NLGN4Y: variants seen among roughly 807,000 people sequenced by gnomAD.
NLGN4Y encodes neuroligin 4 Y-linked, also known as neuroligin-4, Y-linked.
Under a neutral mutation model 8.4 loss-of-function variants are expected in NLGN4Y, and 4 were observed. The ratio of observed to expected loss-of-function variants is 0.48; its 90% CI spans 0.23 to 1.09. NLGN4Y has a LOEUF of 1.09. Among genes scored for constraint, NLGN4Y ranks in the 50% least tolerant of loss-of-function variants. The pLI, the probability that NLGN4Y is intolerant of heterozygous loss-of-function variation, is 0.19. For synonymous variants in NLGN4Y, 35 were observed against 75.6 expected (o/e 0.46, Z 2.78); for missense variants, 90 against 192.3 (o/e 0.47, Z 3.15).
intron 1 of NLGN4Y, among the ~76,000 whole-genome samples, chrY:14,565,202 G>A (rs770574042): frequency 3.2e-5 from 1 of 31,588 alleles, no homozygotes; most frequent in Non-Finnish European, 7.6e-5. Flanking sequence ...GGTTCAGAAG[G>A]CGGGTAATAA....
At chrY:14,810,642 T>G in intron 4 of NLGN4Y, among the ~76,000 whole-genome samples, 1 of 33,749 alleles carries the variant, frequency 3.0e-5, no homozygotes, top group African/African-American at 1.2e-4. Context: ...TTTTGATATA[T>G]TATTGTTTAT....
chrY:14,773,038 T>A (rs2081112006), intron 4 of NLGN4Y, among the ~76,000 whole-genome samples: 2 of 32,988 alleles, frequency 6.1e-5, no homozygotes, highest in Non-Finnish European at 1.5e-4. Context: ...TCAAAACTCC[T>A]ATTCAACATA....
chrY:14,672,422 G>A, intron 2 of NLGN4Y, among the ~76,000 whole-genome samples: 2 of 29,743 alleles, frequency 6.7e-5, no homozygotes, highest in African/African-American at 2.7e-4. Flanking sequence ...CTACTCTGGA[G>A]GCTGATGCAG....
At chrY:14,780,276 T>G in intron 4 of NLGN4Y, among the ~76,000 whole-genome samples, 1 of 33,229 alleles carries the variant, frequency 3.0e-5, no homozygotes, top group African/African-American at 1.2e-4. Context: ...GGAAAAAAAT[T>G]TCATCTTTGA....
chrY:14,755,071 G>A (rs906314200), intron 4 of NLGN4Y, among the ~76,000 whole-genome samples: 4 of 32,839 alleles, frequency 1.2e-4, no homozygotes, highest in Non-Finnish European at 3.0e-4. Flanking sequence ...TCCCCTTGAT[G>A]TTTATGGATG....
At chrY:14,563,780 T>C (rs2080242550) in intron 1 of NLGN4Y, among the ~76,000 whole-genome samples, 1 of 33,476 alleles carries the variant, frequency 3.0e-5, no homozygotes, top group Non-Finnish European at 7.4e-5. Context: ...GGTATATGTG[T>C]CCAGGAATTT....
intron 1 of NLGN4Y, among the ~76,000 whole-genome samples, chrY:14,531,683 A>G: frequency 3.3e-5 from 1 of 30,629 alleles, no homozygotes; most frequent in African/African-American, 1.2e-4. Flanking sequence ...TACAATTTTT[A>G]TATTATATAA....
At chrY:14,839,024 T>G (rs934284238) in intron 6 of NLGN4Y, among the ~76,000 whole-genome samples, 1 of 33,338 alleles carries the variant, frequency 3.0e-5, no homozygotes, top group Non-Finnish European at 7.4e-5. Flanking sequence ...TCCTTGGTCC[T>G]GTAGCCTTCT....
At chrY:14,603,993 AC>A (rs2080437731) in intron 1 of NLGN4Y, among the ~76,000 whole-genome samples, 1 of 33,020 alleles carries the variant, frequency 3.0e-5, no homozygotes, top group Non-Finnish European at 7.4e-5. Context: ...TTTATGGGAT[AC>A]TTCTATGATC....
At chrY:14,784,141 C>T in intron 4 of NLGN4Y, among the ~76,000 whole-genome samples, 1 of 33,856 alleles carries the variant, frequency 3.0e-5, no homozygotes, top group African/African-American at 1.2e-4. Flanking sequence ...TCTGGAAACA[C>T]TTCTTTATGC....
intron 1 of NLGN4Y, among the ~76,000 whole-genome samples, chrY:14,593,624 T>C (rs2080382389): frequency 3.0e-5 from 1 of 33,433 alleles, no homozygotes; most frequent in Non-Finnish European, 7.4e-5. Context: ...AGGGGGTTGT[T>C]CCATACCAAG....
At chrY:14,566,762 G>A in intron 1 of NLGN4Y, among the ~76,000 whole-genome samples, 1 of 32,616 alleles carries the variant, frequency 3.1e-5, no homozygotes, top group Non-Finnish European at 7.5e-5. Flanking sequence ...ATGGACCACA[G>A]AACTGCAAGT....
At chrY:14,611,472 A>G in intron 1 of NLGN4Y, among the ~76,000 whole-genome samples, 1 of 25,343 alleles carries the variant, frequency 3.9e-5, no homozygotes, top group East Asian at 9.5e-4. Flanking sequence ...ATCCCTCAAC[A>G]TTTGCTTTTC....
intron 4 of NLGN4Y, among the ~76,000 whole-genome samples, chrY:14,775,445 TCTGCCTCTCA>T (rs2081122005): frequency 3.1e-5 from 1 of 32,234 alleles, no homozygotes; most frequent in Non-Finnish European, 7.5e-5. Context: ...TCTGACACTC[TCTGCCTCTCA>T]CTGATTGCTT....
rs771889182 is a variant in NLGN4Y at position 14,726,165 on chromosome Y, A to G, written c.685+2896A>G. ...TCTCCAGCAGACTGTTAAGTCAGTG[A>G]AAAGAAAAATGCCATCATAGAGAAG... On this transcript the variant is annotated intron_variant, in intron 4 of 6. Transcript: ENST00000684976. Among the ~76,000 whole-genome samples the G allele has an allele frequency of 8.2e-4, 28 of 34,053 alleles. No individual in the cohort carries two copies. In the East Asian group the frequency reaches 0.021, roughly 26 times the overall value. 91.4% of individuals were successfully genotyped at this position (34,053 alleles called of 37,273 possible). A position where few individuals can be genotyped will look rare whatever the true frequency, so the allele number is the denominator to read the frequency against.
intron 6 of NLGN4Y, among the ~76,000 whole-genome samples, chrY:14,837,739 G>A: frequency 3.0e-5 from 1 of 33,378 alleles, no homozygotes; most frequent in Non-Finnish European, 7.4e-5. Context: ...ACATCGGGCA[G>A]CAGCTCACTT....
intron 1 of NLGN4Y, among the ~76,000 whole-genome samples, chrY:14,549,609 C>T (rs887181811): frequency 3.0e-5 from 1 of 33,330 alleles, no homozygotes; most frequent in African/African-American, 1.2e-4. Flanking sequence ...TATTCCATCT[C>T]CACACAATTT....
chrY:14,676,307 T>G (rs2150531239), intron 2 of NLGN4Y, among the ~76,000 whole-genome samples: 2 of 33,633 alleles, frequency 5.9e-5, no homozygotes, highest in Non-Finnish European at 1.5e-4. Flanking sequence ...AAATCCGTTC[T>G]CTATCCTTAC....
chrY:14,574,525 G>A (rs2080289072), intron 1 of NLGN4Y, among the ~76,000 whole-genome samples: 2 of 33,078 alleles, frequency 6.0e-5, no homozygotes, highest in Non-Finnish European at 1.5e-4. Flanking sequence ...ACAGCACACT[G>A]ATAGGTCTTG....
Sources: gnomAD v4.1 joint callset for allele counts (sites outside exome capture counted in the v4.1 genomes callset) on GRCh38, gnomAD v4.1.1 for gene constraint, MANE v1.5 for transcripts, NCBI Gene and HGNC (gene_info 2026-07-23, HGNC 2026-07-21) for gene names.